The following RBM28 variants were observed in gnomAD, a reference collection of about 807,000 sequenced individuals.
RBM28 encodes RNA binding motif protein 28.
A neutral mutation model predicts 98.3 loss-of-function variants in RBM28; 78 were observed. That is an observed-to-expected ratio of 0.79 (90% confidence interval 0.66 to 0.96). RBM28 has a LOEUF of 0.96. RBM28 is among the 40% of genes least tolerant of loss of function. RBM28 has a pLI of 0.00. For synonymous variants in RBM28, 306 were observed against 330.9 expected (o/e 0.92, Z 0.82); for missense variants, 838 against 913.0 (o/e 0.92, Z 1.06).
intron 18 of RBM28, among the ~76,000 whole-genome samples, chr7:128,311,536 G>A (rs1481058952): frequency 6.6e-6 from 1 of 152,138 alleles, no homozygotes; most frequent in Non-Finnish European, 1.5e-5. Context: ...CCTGAGCTGA[G>A]CCTGGGACAT....
At chr7:128,339,547 A>G in intron 2 of RBM28, 86 bp downstream of exon 2, 1 of 1,489,646 alleles carries the variant, frequency 6.7e-7, no homozygotes, top group Non-Finnish European at 9.4e-7. Flanking sequence ...AAGTTCTAGA[A>G]GCTACCTCCA....
At chr7:128,331,853 T>G (rs1796487364) in intron 9 of RBM28, among the ~76,000 whole-genome samples, 1 of 152,190 alleles carries the variant, frequency 6.6e-6, no homozygotes, top group African/African-American at 2.4e-5. Context: ...TTCTCTTATA[T>G]GCACTGAATA....
chr7:128,332,147 T>C (rs534676830), intron 9 of RBM28, among the ~76,000 whole-genome samples: 19 of 152,276 alleles, frequency 1.2e-4, no homozygotes, highest in Admixed American at 1.1e-3. Context: ...TTCCAAATAA[T>C]ACAATTTTTA....
In RBM28 at chr7:128,304,137, T is replaced by C. The variant is rs1200817248; in HGVS notation, c.*6660A>G. The C allele has an allele frequency of 6.6e-6, 1 of 152,164 alleles. No individual in the cohort carries two copies. Among genetic ancestry groups the C allele is most frequent in the Non-Finnish European group, 1.5e-5 (1 of 68,040 alleles). 9.4% of individuals were successfully genotyped at this position (152,164 alleles called of 1,614,324 possible). A position where few individuals can be genotyped will look rare whatever the true frequency, so the allele number is the denominator to read the frequency against. On this transcript the variant is annotated 3_prime_UTR_variant, in exon 19 of 19. Coordinates refer to ENST00000223073, the MANE Select transcript of RBM28 (RefSeq NM_018077.3). Reference sequence around the variant, plus strand: ...AAATGTATATATGTACAGAAATTTATTATAAATTTCATTGATAAAAATGAT... The same window carrying C: ...AAATGTATATATGTACAGAAATTTACTATAAATTTCATTGATAAAAATGAT...
intron 12 of RBM28, 117 bp from the exon 13 acceptor site, chr7:128,323,708 C>A (rs1796286575): frequency 8.4e-7 from 1 of 1,189,608 alleles, no homozygotes; most frequent in Non-Finnish European, 1.2e-6. Context: ...ACTATCTTGG[C>A]CAGGACACGG....
In RBM28 at chr7:128,305,160, CAAAAAAAAAAA is replaced by C. The variant is rs60518508; in HGVS notation, c.*5626_*5636del. 1 of 104,996 alleles carries C rather than the reference CAAAAAAAAAAA, an allele frequency of 9.5e-6. No individual in the cohort carries two copies. Among genetic ancestry groups the C allele is most frequent in the Non-Finnish European group, 1.9e-5 (1 of 51,476 alleles). 6.5% of individuals were successfully genotyped at this position (104,996 alleles called of 1,614,324 possible). On this transcript the variant is annotated 3_prime_UTR_variant, in exon 19 of 19. Coordinates refer to ENST00000223073, the MANE Select transcript of RBM28 (RefSeq NM_018077.3). ...GGGCAACAAGAATGAAACTCTGTCTCAAAAAAAAAAAAAAAAAAAGAAAGTTCTGCATCAAT... is the reference window on the plus strand; with the variant it reads ...GGGCAACAAGAATGAAACTCTGTCTCAAAAAAAAGAAAGTTCTGCATCAAT...
In RBM28 at chr7:128,304,567, T is replaced by C. The variant is rs891930014; in HGVS notation, c.*6230A>G. 4 of 152,320 alleles carry C rather than the reference T, an allele frequency of 2.6e-5. No individual in the cohort carries two copies. The highest frequency in any genetic ancestry group is 7.2e-5 in the African/African-American group (3 of 41,442). The allele number at this position is 152,320 out of a possible 1,614,324, so 9.4% of individuals were successfully genotyped here. On this transcript the variant is annotated 3_prime_UTR_variant, in exon 19 of 19. Transcript: ENST00000223073. ...TGGGGCATGTACTTCCCAGGGCCAC[T>C]TGCCAACCCAGGGAGGTTTTCCATC... is the stretch of plus-strand genomic sequence containing the variant.
rs1795840635 is a variant in RBM28, at chr7:128,305,160, C to CTGTCT, written c.*5636_*5637insAGACA. On this transcript the variant is annotated 3_prime_UTR_variant, in exon 19 of 19. Coordinates refer to ENST00000223073, the MANE Select transcript of RBM28 (RefSeq NM_018077.3). ...GGGCAACAAGAATGAAACTCTGTCT[C>CTGTCT]AAAAAAAAAAAAAAAAAAAGAAAGT... The CTGTCT allele has an allele frequency of 9.5e-6, 1 of 104,996 alleles. No homozygotes were observed. Among genetic ancestry groups the CTGTCT allele is most frequent in the Non-Finnish European group, 1.9e-5 (1 of 51,476 alleles). 6.5% of individuals were successfully genotyped at this position (104,996 alleles called of 1,614,324 possible).
At chr7:128,312,298 T>C (rs1796001951) in intron 18 of RBM28, among the ~76,000 whole-genome samples, 1 of 152,040 alleles carries the variant, frequency 6.6e-6, no homozygotes, top group Non-Finnish European at 1.5e-5. Context: ...ATGCCTGTAA[T>C]TCCAGCTACT....
chr7:128,298,102 A>G lies in RBM28; in HGVS notation c.*12695T>C, dbSNP rs1795731738. On this transcript the variant is annotated 3_prime_UTR_variant, in exon 19 of 19. Coordinates refer to ENST00000223073, the MANE Select transcript of RBM28 (RefSeq NM_018077.3). ...GTATACATATGTAACTAACCTGCAC[A>G]GTGTGCACATGTACCCTAAAACTTA... The G allele has an allele frequency of 6.6e-6, 1 of 151,302 alleles. No homozygotes were observed. The highest frequency in any genetic ancestry group is 1.5e-5 in the Non-Finnish European group (1 of 67,856). The allele number at this position is 151,302 out of a possible 1,614,324, so 9.4% of individuals were successfully genotyped here. A position where few individuals can be genotyped will look rare whatever the true frequency, so the allele number is the denominator to read the frequency against.
At chr7:128,331,930 C>G (rs1282896757) in intron 9 of RBM28, among the ~76,000 whole-genome samples, 1 of 152,118 alleles carries the variant, frequency 6.6e-6, no homozygotes, top group Non-Finnish European at 1.5e-5. Context: ...AAAACATATC[C>G]TAGCTACATT....
rs1015191900 is a variant in RBM28 at position 128,298,529 on chromosome 7, T to C, written c.*12268A>G. Reference sequence around the variant, plus strand: ...TTTTTCAGATTCTCTTTACTGAGCATATATTATTTTTACAATCAGAAAAAA... The same window carrying C: ...TTTTTCAGATTCTCTTTACTGAGCACATATTATTTTTACAATCAGAAAAAA... On this transcript the variant is annotated 3_prime_UTR_variant, in exon 19 of 19. Transcript: ENST00000223073. 1 of 151,872 alleles carries C rather than the reference T, an allele frequency of 6.6e-6. No individual in the cohort carries two copies. The highest frequency in any genetic ancestry group is 1.9e-4 in the East Asian group (1 of 5,152). The allele number at this position is 151,872 out of a possible 1,614,324, so 9.4% of individuals were successfully genotyped here.
At chr7:128,311,312 A>G (rs1301924531) in intron 18 of RBM28, among the ~76,000 whole-genome samples, 3 of 152,192 alleles carry the variant, frequency 2.0e-5, no homozygotes, top group Admixed American at 1.3e-4. Context: ...AGATCTCTAT[A>G]CTATAGTACG....
At position 128,309,812 on chromosome 7, in the gene RBM28, G is replaced by A. The variant is rs1303034950; in HGVS notation, c.*985C>T. ...GCAAGGGAAAAACTCTCCAGGCAAA[G>A]GGAACGGATACAAAGGCTCTGAGGT... On this transcript the variant is annotated 3_prime_UTR_variant, in exon 19 of 19. Coordinates refer to ENST00000223073, the MANE Select transcript of RBM28 (RefSeq NM_018077.3). 2 of 152,232 alleles carry A rather than the reference G, an allele frequency of 1.3e-5. No individual in the cohort carries two copies. The highest frequency in any genetic ancestry group is 2.9e-5 in the Non-Finnish European group (2 of 68,144). The allele number at this position is 152,232 out of a possible 1,614,324, so 9.4% of individuals were successfully genotyped here. A position where few individuals can be genotyped will look rare whatever the true frequency, so the allele number is the denominator to read the frequency against.
At position 128,318,127 on chromosome 7, in the gene RBM28, A is replaced by C. The variant is rs1412475853; in HGVS notation, c.1564-21T>G. 4 of 1,598,316 alleles carry C rather than the reference A, an allele frequency of 2.5e-6. No homozygotes were observed. The Admixed American group carries it at 5.0e-5, about 20-fold the overall frequency. Reference sequence around the variant, plus strand: ...CTACACTATGAGTAGAGCAAGAAAAAAATCAGTAATTACAGAATGAGAAGA... The same window carrying C: ...CTACACTATGAGTAGAGCAAGAAAACAATCAGTAATTACAGAATGAGAAGA... On this transcript the variant is annotated intron_variant, in intron 14 of 18. Coordinates refer to ENST00000223073, the MANE Select transcript of RBM28 (RefSeq NM_018077.3).
Position 128,325,825 on chromosome 7 carries a change from T to G in RBM28, c.1196A>C (p.Glu399Ala). 6.2e-7 allele frequency: 1 copy of G among 1,612,946 alleles called. No individual in the cohort carries two copies. Among genetic ancestry groups the G allele is most frequent in the Non-Finnish European group, 8.5e-7 (1 of 1,179,242 alleles). The change falls in exon 11 of 19, where the codon GAG becomes GCG. Residue 399 changes from glutamate to alanine, a missense_variant. By Grantham distance (107) the Glu-to-Ala change is moderately radical. Coordinates refer to ENST00000223073, the MANE Select transcript of RBM28 (RefSeq NM_018077.3). The part of the protein sequence containing the change: ...AQKCLLAASP[E>A]NEAGGLKLDG... ...AGGAAATATCTTCCTTACCTCATTC[T>G]CTGGAGAAGCAGCTAGAAGGCATTT...
chr7:128,336,063 A>G (rs1204315160), intron 6 of RBM28, 21 bp from the exon 7 acceptor site: 3 of 1,593,436 alleles, frequency 1.9e-6, no homozygotes, highest in African/African-American at 1.3e-5. Context: ...AGGTAAAGAA[A>G]GGAGGAATTC....
chr7:128,332,175 T>C (rs1330989831), intron 9 of RBM28, among the ~76,000 whole-genome samples: 1 of 152,156 alleles, frequency 6.6e-6, no homozygotes, highest in Non-Finnish European at 1.5e-5. Flanking sequence ...TGGAAAGACA[T>C]GCAGTTAGGT....
chr7:128,313,720 G>C (rs545999339), intron 17 of RBM28, among the ~76,000 whole-genome samples: 27 of 152,298 alleles, frequency 1.8e-4, no homozygotes, highest in African/African-American at 6.5e-4. Context: ...ACTGGATCAT[G>C]GGGATGACTC....
Sources: gnomAD v4.1 joint callset for allele counts (sites outside exome capture counted in the v4.1 genomes callset) on GRCh38, gnomAD v4.1.1 for gene constraint, MANE v1.5 for transcripts, NCBI Gene and HGNC (gene_info 2026-07-23, HGNC 2026-07-21) for gene names.